Variants in USP4 observed in about 807,000 individuals in gnomAD.
USP4 encodes ubiquitin carboxyl-terminal hydrolase 4.
In USP4, 72 loss-of-function variants were observed where a neutral mutation model predicts 118.2. The ratio of observed to expected loss-of-function variants is 0.61; its 90% CI spans 0.50 to 0.74. USP4 has a LOEUF of 0.74. Ranked by LOEUF, USP4 falls within the 30% of genes least tolerant of loss-of-function variation. The probability of loss-of-function intolerance (pLI) is 0.00; values close to 1 mark genes in which losing one functional copy is unlikely to be tolerated. For missense variants in USP4, 1,037 were observed against 1,185.7 expected (o/e 0.87, Z 1.84); for synonymous variants, 415 against 440.4 (o/e 0.94, Z 0.72).
At chr3:49,305,022 A>C (rs1295181325) in intron 9 of USP4, among the ~76,000 whole-genome samples, 2 of 149,854 alleles carry the variant, frequency 1.3e-5, no homozygotes, top group African/African-American at 4.9e-5. Context: ...TCAGCCTCCC[A>C]AAGTGCTGGG....
chr3:49,327,644 T>A, intron 3 of USP4, 42 bp downstream of exon 3: 1 of 1,611,696 alleles, frequency 6.2e-7, no homozygotes, highest in Non-Finnish European at 8.5e-7. Flanking sequence ...AGAAAGCACC[T>A]GCAGACAGTG....
chr3:49,288,643 C>G (rs1267699144), intron 15 of USP4, among the ~76,000 whole-genome samples: 4 of 152,024 alleles, frequency 2.6e-5, no homozygotes, highest in African/African-American at 9.7e-5. Flanking sequence ...CCATTGTATT[C>G]CAGCCTGGGC....
chr3:49,317,538 G>GTTTT (rs2047452992), intron 6 of USP4: 1 of 564,126 alleles, frequency 1.8e-6, no homozygotes, highest in African/African-American at 2.4e-5. Context: ...TTTTTTGTTT[G>GTTTT]TTTGTTTTTT....
Position 49,302,290 on chromosome 3 carries a change from C to T in USP4, c.1287+94G>A, listed in dbSNP as rs778755548. ...CAGTGAGAAGCAACCAGGGCCCTGG[C>T]AACAACACTCAAAGACCAGAAGAAT... is the stretch of plus-strand genomic sequence containing the variant. On this transcript the variant is annotated intron_variant, in intron 10 of 21. Coordinates refer to ENST00000265560, the MANE Select transcript of USP4 (RefSeq NM_003363.4). 59 of 1,440,256 alleles carry T rather than the reference C, an allele frequency of 4.1e-5. No homozygotes were observed. In the African/African-American group the frequency reaches 7.1e-4, roughly 17 times the overall value. The allele number at this position is 1,440,256 out of a possible 1,614,324, so 89.2% of individuals were successfully genotyped here. A position where few individuals can be genotyped will look rare whatever the true frequency, so the allele number is the denominator to read the frequency against.
At chr3:49,289,778 G>A (rs897796826) in intron 15 of USP4, among the ~76,000 whole-genome samples, 6 of 151,734 alleles carry the variant, frequency 4.0e-5, no homozygotes, top group Non-Finnish European at 7.4e-5. Flanking sequence ...CAGCCTGGGT[G>A]ACAGAGTGAG....
At chr3:49,322,234 G>C (rs965110924) in intron 6 of USP4, among the ~76,000 whole-genome samples, 5 of 152,174 alleles carry the variant, frequency 3.3e-5, no homozygotes, top group Admixed American at 2.6e-4. Flanking sequence ...CCTGCTCTGT[G>C]TCTACCTTCT....
rs754845529 is a variant in USP4, at chr3:49,335,465, A to G, written c.229+4T>C. On this transcript the variant is annotated splice_donor_region_variant and intron_variant, in intron 2 of 21. Coordinates refer to ENST00000265560, the MANE Select transcript of USP4 (RefSeq NM_003363.4). ...TTTAGCTAGAAAAGCAACATTTACT[A>G]TACCTGAAAATAGCCCAGAGTTGTC... 8 of 1,614,216 alleles carry G rather than the reference A, an allele frequency of 5.0e-6. No individual in the cohort carries two copies. The highest frequency in any genetic ancestry group is 6.8e-6 in the Non-Finnish European group (8 of 1,180,040).
At chr3:49,322,293 C>T (rs2047510904) in intron 6 of USP4, among the ~76,000 whole-genome samples, 1 of 152,196 alleles carries the variant, frequency 6.6e-6, no homozygotes, top group Non-Finnish European at 1.5e-5. Flanking sequence ...CAAAGCTGGA[C>T]AGAATTTCCT....
chr3:49,319,778 T>C (rs376720715), intron 6 of USP4, among the ~76,000 whole-genome samples: 1 of 151,966 alleles, frequency 6.6e-6, no homozygotes, highest in African/African-American at 2.4e-5. Context: ...CACTCCTGGC[T>C]AATTTTCTGT....
At chr3:49,308,958 G>T (rs2047350461) in intron 8 of USP4, among the ~76,000 whole-genome samples, 1 of 151,190 alleles carries the variant, frequency 6.6e-6, no homozygotes, top group Non-Finnish European at 1.5e-5. Flanking sequence ...CTTAAACCCA[G>T]GAGGTGGAGG....
chr3:49,291,672 G>C (rs924595721), intron 15 of USP4, among the ~76,000 whole-genome samples: 1 of 151,756 alleles, frequency 6.6e-6, no homozygotes, highest in African/African-American at 2.4e-5. Context: ...ACTGAGTCAC[G>C]TAAGTCCCAA....
intron 2 of USP4, among the ~76,000 whole-genome samples, chr3:49,334,498 A>C (rs1222107594): frequency 2.0e-5 from 3 of 152,136 alleles, no homozygotes; most frequent in African/African-American, 7.2e-5. Context: ...GGCTCACACC[A>C]ACACTCTGGG....
chr3:49,305,616 T>TA (rs564889992), intron 9 of USP4, 99 bp downstream of exon 9: 1,440 of 1,119,274 alleles, frequency 1.3e-3, no homozygotes, highest in South Asian at 2.0e-3. Context: ...GTAAATACCA[T>TA]AAAAAAAAAT....
At position 49,277,495 on chromosome 3, in the gene USP4, T is replaced by A. The variant is rs1200645840; in HGVS notation, c.*798A>T. Reference sequence around the variant, plus strand: ...GAACTGGAGCCCTTTCCCGGCTAACTCCCACAAAGATTTCTGTTCTCAAGC... The same window carrying A: ...GAACTGGAGCCCTTTCCCGGCTAACACCCACAAAGATTTCTGTTCTCAAGC... On this transcript the variant is annotated 3_prime_UTR_variant, in exon 22 of 22. Transcript: ENST00000265560. 4.8e-5 allele frequency: 10 copies of A among 207,734 alleles called. No individual in the cohort carries two copies. The highest frequency in any genetic ancestry group is 3.2e-4 in the Admixed American group (6 of 18,720). 12.9% of individuals were successfully genotyped at this position (207,734 alleles called of 1,614,324 possible).
Position 49,286,339 on chromosome 3 carries a change from G to A in USP4, c.1973-14C>T. ...CCTCATCTTCTCCTGGCACATAAAT[G>A]GAAAACAATATGTATATAATTTCCT... On this transcript the variant is annotated splice_polypyrimidine_tract_variant and intron_variant, in intron 15 of 21. Coordinates refer to ENST00000265560, the MANE Select transcript of USP4 (RefSeq NM_003363.4). The A allele has an allele frequency of 1.2e-6, 2 of 1,611,592 alleles. No individual in the cohort carries two copies. The highest frequency in any genetic ancestry group is 2.2e-5 in the South Asian group (2 of 90,986).
At chr3:49,309,781 C>A (rs1393682899) in intron 8 of USP4, among the ~76,000 whole-genome samples, 1 of 150,620 alleles carries the variant, frequency 6.6e-6, no homozygotes, top group African/African-American at 2.4e-5. Flanking sequence ...CGTGTGCCAC[C>A]ACACCCGGCT....
Position 49,311,504 on chromosome 3 carries a change from C to G in USP4, c.836+10G>C. The stretch of plus-strand genomic sequence containing the variant: ...GGGAAAGGAAGCAGAGTGAAAGGAC[C>G]TGCTCTTACCCCCTGCTGACACCGG... On this transcript the variant is annotated intron_variant, in intron 7 of 21. Coordinates refer to ENST00000265560, the MANE Select transcript of USP4 (RefSeq NM_003363.4). 6.2e-7 allele frequency: 1 copy of G among 1,612,444 alleles called. No homozygotes were observed.
intron 13 of USP4, among the ~76,000 whole-genome samples, chr3:49,295,388 C>T (rs1382032711): frequency 6.9e-6 from 1 of 143,940 alleles, no homozygotes; most frequent in Non-Finnish European, 1.5e-5. Flanking sequence ...ATTAGCCAAA[C>T]TCTTTTTTTC....
intron 6 of USP4, among the ~76,000 whole-genome samples, chr3:49,316,372 TC>T (rs1445168000): frequency 3.9e-5 from 6 of 152,064 alleles, no homozygotes; most frequent in African/African-American, 1.4e-4. Context: ...ACTGCAGACT[TC>T]ACCTCCCCAG....
Sources: allele counts gnomAD v4.1 joint callset (sites outside exome capture counted in the v4.1 genomes callset), GRCh38; gene constraint gnomAD v4.1.1; transcripts MANE v1.5; gene names NCBI Gene and HGNC (gene_info 2026-07-23, HGNC 2026-07-21).